ZNF704: variants seen among roughly 807,000 people sequenced by gnomAD.
The protein encoded by ZNF704 is zinc finger protein 704.
Under a neutral mutation model 44.7 loss-of-function variants are expected in ZNF704, and 10 were observed. The ratio of observed to expected loss-of-function variants is 0.22; its 90% CI spans 0.14 to 0.38. ZNF704 has a LOEUF of 0.38. Ranked by LOEUF, ZNF704 falls within the 10% of genes least tolerant of loss-of-function variation. The pLI is 1.00. For missense variants in ZNF704, 390 were observed against 545.5 expected (o/e 0.71, Z 2.84); for synonymous variants, 211 against 207.6 (o/e 1.02, Z -0.14).
chr8:80,769,198 T>C (rs1425680657), intron 2 of ZNF704, among the ~76,000 whole-genome samples: 1 of 152,184 alleles, frequency 6.6e-6, no homozygotes, highest in Non-Finnish European at 1.5e-5. Context: ...AATTAAGACT[T>C]ATTGATGAAA....
intron 2 of ZNF704, among the ~76,000 whole-genome samples, chr8:80,746,464 C>A (rs948208961): frequency 6.6e-6 from 1 of 152,174 alleles, no homozygotes; most frequent in Non-Finnish European, 1.5e-5. Flanking sequence ...GGATATTGTA[C>A]TGAATGTGAT....
chr8:80,789,067 A>AC (rs1318467119), intron 2 of ZNF704, among the ~76,000 whole-genome samples: 2 of 152,248 alleles, frequency 1.3e-5, no homozygotes. Flanking sequence ...GATGATATAT[A>AC]CCATTAATTT....
chr8:80,645,041 C>A, intron 7 of ZNF704: 3 of 1,327,496 alleles, frequency 2.3e-6, no homozygotes, highest in Non-Finnish European at 1.1e-6. Flanking sequence ...TGCCAAGATT[C>A]CTCCATTCAG....
At chr8:80,702,962 TG>T in intron 2 of ZNF704, among the ~76,000 whole-genome samples, 1 of 151,264 alleles carries the variant, frequency 6.6e-6, no homozygotes, top group Non-Finnish European at 1.5e-5. Context: ...AAGCGGGAGG[TG>T]GAAGAAGCCT....
intron 2 of ZNF704, among the ~76,000 whole-genome samples, chr8:80,699,895 C>G (rs953453968): frequency 6.6e-6 from 1 of 152,186 alleles, no homozygotes; most frequent in African/African-American, 2.4e-5. Flanking sequence ...TGACCTCACC[C>G]TCTCCCCTTT....
chr8:80,709,481 T>C (rs1431019681), intron 2 of ZNF704, among the ~76,000 whole-genome samples: 2 of 116,358 alleles, frequency 1.7e-5, no homozygotes, highest in African/African-American at 3.3e-5. Flanking sequence ...AAAGCAGTAA[T>C]GGCATGTCAG....
chr8:80,795,133 T>C (rs554116200), intron 2 of ZNF704, among the ~76,000 whole-genome samples: 1 of 152,124 alleles, frequency 6.6e-6, no homozygotes, highest in South Asian at 2.1e-4. Context: ...AGAGCTTAGA[T>C]GAATAACAAC....
intron 1 of ZNF704, among the ~76,000 whole-genome samples, chr8:80,863,107 G>C (rs1012294676): frequency 4.0e-5 from 6 of 151,726 alleles, no homozygotes; most frequent in Non-Finnish European, 7.4e-5. Flanking sequence ...TTTTCAAATA[G>C]GTACTCTTCA....
chr8:80,717,199 G>A (rs913574259), intron 2 of ZNF704, among the ~76,000 whole-genome samples: 1 of 152,180 alleles, frequency 6.6e-6, no homozygotes, highest in Non-Finnish European at 1.5e-5. Flanking sequence ...CAACAGCAGG[G>A]CTGTTATGTA....
chr8:80,653,835 A>C (rs1387424489), intron 7 of ZNF704, among the ~76,000 whole-genome samples: 1 of 152,172 alleles, frequency 6.6e-6, no homozygotes, highest in African/African-American at 2.4e-5. Flanking sequence ...ATCGGAAAAA[A>C]CTACTTTAAA....
chr8:80,757,595 T>C (rs1807057627), intron 2 of ZNF704, among the ~76,000 whole-genome samples: 1 of 152,130 alleles, frequency 6.6e-6, no homozygotes, highest in Non-Finnish European at 1.5e-5. Flanking sequence ...TAGTGTACAA[T>C]AAGGTCCTAG....
In ZNF704 at chr8:80,639,621, A is replaced by G. The variant is rs1817712759; in HGVS notation, c.*1745T>C. On this transcript the variant is annotated 3_prime_UTR_variant, in exon 9 of 9. Transcript: ENST00000327835. ...TCCAAGGAGTAATTTTAAAAAATTT[A>G]TATGAGAGTTTAAAAAATAAAAGTC... 2 of 152,298 alleles carry G rather than the reference A, an allele frequency of 1.3e-5. No individual in the cohort carries two copies. The highest frequency in any genetic ancestry group is 4.1e-4 in the South Asian group (2 of 4,838). The allele number at this position is 152,298 out of a possible 1,614,324, so 9.4% of individuals were successfully genotyped here.
chr8:80,804,592 C>T (rs1446576214), intron 2 of ZNF704, among the ~76,000 whole-genome samples: 1 of 152,182 alleles, frequency 6.6e-6, no homozygotes, highest in Non-Finnish European at 1.5e-5. Context: ...CCAGACACCA[C>T]ATCGTGTTCT....
chr8:80,804,911 T>C (rs1047495879), intron 2 of ZNF704, among the ~76,000 whole-genome samples: 1 of 152,144 alleles, frequency 6.6e-6, no homozygotes, highest in Non-Finnish European at 1.5e-5. Flanking sequence ...AATTTCATCA[T>C]AGATTGGTGG....
At chr8:80,734,421 A>G (rs1806632106) in intron 2 of ZNF704, among the ~76,000 whole-genome samples, 1 of 152,210 alleles carries the variant, frequency 6.6e-6, no homozygotes, top group South Asian at 2.1e-4. Context: ...ATATATAAGG[A>G]AGTCTTATAT....
intron 7 of ZNF704, among the ~76,000 whole-genome samples, chr8:80,644,003 G>A (rs1432674713): frequency 1.3e-5 from 2 of 152,158 alleles, no homozygotes; most frequent in African/African-American, 4.8e-5. Context: ...CCAACAGGAA[G>A]GAATAAAGGC....
intron 1 of ZNF704, among the ~76,000 whole-genome samples, chr8:80,838,174 G>GA (rs1356828856): frequency 3.9e-5 from 6 of 152,170 alleles, no homozygotes; most frequent in African/African-American, 1.4e-4. Context: ...CAGTATGCCG[G>GA]AGCTCATCTT....
At chr8:80,841,160 A>T (rs1808671459) in intron 1 of ZNF704, among the ~76,000 whole-genome samples, 1 of 152,172 alleles carries the variant, frequency 6.6e-6, no homozygotes. Context: ...AACCTTTGCC[A>T]CTGTGTTTGC....
intron 2 of ZNF704, among the ~76,000 whole-genome samples, chr8:80,768,482 A>G (rs1391140329): frequency 6.6e-6 from 1 of 152,134 alleles, no homozygotes; most frequent in Non-Finnish European, 1.5e-5. Context: ...ATAATAAGGC[A>G]TATTCTTTTT....
Sources: gnomAD v4.1 joint callset for allele counts (sites outside exome capture counted in the v4.1 genomes callset) on GRCh38, gnomAD v4.1.1 for gene constraint, MANE v1.5 for transcripts, NCBI Gene and HGNC (gene_info 2026-07-23, HGNC 2026-07-21) for gene names.